KLF15: variants seen among roughly 807,000 people sequenced by gnomAD.
KLF15 encodes KLF transcription factor 15.
A neutral mutation model predicts 24.6 loss-of-function variants in KLF15; 4 were observed. The ratio of observed to expected loss-of-function variants is 0.16; its 90% CI spans 0.08 to 0.37. KLF15 has a LOEUF of 0.37. Among genes scored for constraint, KLF15 ranks in the 10% least tolerant of loss-of-function variants. The pLI is 1.00. For synonymous variants in KLF15, 246 were observed against 236.3 expected (o/e 1.04, Z -0.37); for missense variants, 496 against 560.6 (o/e 0.88, Z 1.16).
the KLF15 span, among the ~76,000 whole-genome samples, chr3:126,308,440 G>A: frequency 1.4e-5 from 2 of 140,486 alleles, no homozygotes; most frequent in African/African-American, 6.5e-5. Context: ...AGCCCTGCTG[G>A]CCGCCAGGGG....
At chr3:126,296,761 G>A in the KLF15 span, among the ~76,000 whole-genome samples, 1 of 152,166 alleles carries the variant, frequency 6.6e-6, no homozygotes, top group Non-Finnish European at 1.5e-5. Context: ...AATTCATTAA[G>A]GCAGCTTCCA....
At position 126,343,767 on chromosome 3, in the gene KLF15, C is replaced by T. The variant is rs745392447; in HGVS notation, c.1211G>A (p.Arg404His). 1.9e-6 allele frequency: 3 copies of T among 1,611,800 alleles called. No homozygotes were observed. The South Asian group carries it at 3.3e-5, about 18-fold the overall frequency. Reference sequence around the variant, plus strand: ...CACGGAGCGGCTGCTCCGCGGGAAGCGGTGCACCTTGATGTGCTTGGAGAG... The same window carrying T: ...CACGGAGCGGCTGCTCCGCGGGAAGTGGTGCACCTTGATGTGCTTGGAGAG... ...DHLSKHIKVH[R>H]FPRSSRSVRS... Residue 404 changes from arginine to histidine, a missense_variant, in exon 3 of 3, where the codon CGC becomes CAC. This residue lies in a region of KLF15 where 38 missense variants were observed against 31.5 expected (regional missense o/e 1.21). Transcript: ENST00000296233.
the KLF15 span, among the ~76,000 whole-genome samples, chr3:126,307,799 G>C: frequency 6.6e-6 from 1 of 152,206 alleles, no homozygotes; most frequent in African/African-American, 2.4e-5. Context: ...TGCGTCCCCA[G>C]CTGGCCAGAG....
the KLF15 span, among the ~76,000 whole-genome samples, chr3:126,295,981 C>T: frequency 6.6e-6 from 1 of 152,192 alleles, no homozygotes; most frequent in Admixed American, 6.5e-5. Context: ...GTGGTATATT[C>T]ATAGTTGATG....
downstream of KLF15, among the ~76,000 whole-genome samples, chr3:126,339,670 G>A (rs1467758012): frequency 1.3e-5 from 2 of 152,080 alleles, no homozygotes; most frequent in Non-Finnish European, 2.9e-5. Flanking sequence ...TTCCTCACAG[G>A]TTCCCCTGCC....
chr3:126,322,356 C>T, the KLF15 span, among the ~76,000 whole-genome samples: 1 of 152,202 alleles, frequency 6.6e-6, no homozygotes, highest in Non-Finnish European at 1.5e-5. Flanking sequence ...CTGTGCTTCC[C>T]CAGCTTCCAG....
chr3:126,290,506 A>ACCTT, the KLF15 span, among the ~76,000 whole-genome samples: 37,428 of 144,490 alleles, frequency 0.26, 5,211 homozygotes, highest in Middle Eastern at 0.37. Flanking sequence ...CTTCCTTCCT[A>ACCTT]CCTTCCTTCC....
the KLF15 span, among the ~76,000 whole-genome samples, chr3:126,293,447 G>A: frequency 4.6e-5 from 7 of 152,278 alleles, no homozygotes; most frequent in East Asian, 3.9e-4. Context: ...GAGCCTCCTC[G>A]GGGTCTGGGA....
At chr3:126,305,378 T>C in the KLF15 span, among the ~76,000 whole-genome samples, 1 of 152,184 alleles carries the variant, frequency 6.6e-6, no homozygotes, top group Non-Finnish European at 1.5e-5. Flanking sequence ...CCTTTCATGA[T>C]TACGTTCTGA....
At chr3:126,327,235 A>C in the KLF15 span, among the ~76,000 whole-genome samples, 1 of 152,158 alleles carries the variant, frequency 6.6e-6, no homozygotes, top group South Asian at 2.1e-4. Flanking sequence ...GGCTGGAGCT[A>C]AGTGAGAAGT....
chr3:126,339,626 C>T (rs112643942), downstream of KLF15, among the ~76,000 whole-genome samples: 867 of 152,310 alleles, frequency 5.7e-3, 13 homozygotes, highest in African/African-American at 0.019. Flanking sequence ...CAGATCGCCT[C>T]CTCATGCCTT....
chr3:126,316,442 G>GTGGGGAAGGGATACTATGGGCCGGAA, the KLF15 span, among the ~76,000 whole-genome samples: 1 of 149,934 alleles, frequency 6.7e-6, no homozygotes, highest in Non-Finnish European at 1.5e-5. Flanking sequence ...ATGGGCCTGA[G>GTGGGGAAGGGATACTATGGGCCGGAA]TGGGGAAGGG....
the KLF15 span, among the ~76,000 whole-genome samples, chr3:126,289,761 A>G: frequency 6.6e-6 from 1 of 152,168 alleles, no homozygotes; most frequent in Non-Finnish European, 1.5e-5. Flanking sequence ...CTGAAATTGA[A>G]TTTCTTTCTG....
chr3:126,343,710 T>TGG lies in KLF15; in HGVS notation c.*15_*16dup. The TGG allele has an allele frequency of 6.2e-7, 1 of 1,605,122 alleles. No individual in the cohort carries two copies. The highest frequency in any genetic ancestry group is 8.5e-7 in the Non-Finnish European group (1 of 1,177,316). On this transcript the variant is annotated 3_prime_UTR_variant, in exon 3 of 3. Transcript: ENST00000296233. ...TGGGGATCCGGGGTGACGGACAGGC[T>TGG]GGGGTTCAGGGCGCTTTCAGTTCAC...
the KLF15 span, among the ~76,000 whole-genome samples, chr3:126,302,016 C>G: frequency 6.6e-6 from 1 of 152,070 alleles, no homozygotes; most frequent in Non-Finnish European, 1.5e-5. Flanking sequence ...ATACAAGCAT[C>G]AGTGCTATAA....
chr3:126,333,827 G>A, the KLF15 span, among the ~76,000 whole-genome samples: 4 of 141,868 alleles, frequency 2.8e-5, no homozygotes, highest in Non-Finnish European at 6.2e-5. Context: ...GACAAAGAAG[G>A]CCATTACATA....
At chr3:126,293,606 G>A in the KLF15 span, among the ~76,000 whole-genome samples, 2 of 152,144 alleles carry the variant, frequency 1.3e-5, no homozygotes, top group African/African-American at 2.4e-5. Flanking sequence ...TCTCACCCCA[G>A]GGCTCAGGTA....
the KLF15 span, among the ~76,000 whole-genome samples, chr3:126,312,131 T>G: frequency 1.6e-3 from 247 of 152,330 alleles, 4 homozygotes; most frequent in East Asian, 0.013. Context: ...CAGCAGATGC[T>G]GTGGCTGTCA....
chr3:126,328,881 C>T, the KLF15 span, among the ~76,000 whole-genome samples: 1 of 152,076 alleles, frequency 6.6e-6, no homozygotes, highest in African/African-American at 2.4e-5. Flanking sequence ...TATCTATTGC[C>T]CATTTTTCTA....
Sources: allele counts gnomAD v4.1 joint callset (sites outside exome capture counted in the v4.1 genomes callset), GRCh38; gene constraint gnomAD v4.1.1; regional missense constraint gnomAD v4.1.1; transcripts MANE v1.5; gene names NCBI Gene and HGNC (gene_info 2026-07-23, HGNC 2026-07-21).